The following IQCH variants were observed in gnomAD, a reference collection of about 807,000 sequenced individuals.
The protein encoded by IQCH is IQ domain-containing protein H.
In IQCH, 98 loss-of-function variants were observed where a neutral mutation model predicts 117.0. The observed-to-expected ratio is 0.84, with a 90% CI of 0.71 to 0.99. The LOEUF (loss-of-function observed/expected upper bound fraction) is 0.99. Ranked by LOEUF, IQCH falls within the 50% of genes least tolerant of loss-of-function variation. IQCH has a pLI of 0.00. For missense variants in IQCH, 1,102 were observed against 1,243.8 expected (o/e 0.89, Z 1.72); for synonymous variants, 412 against 448.2 (o/e 0.92, Z 1.02).
intron 10 of IQCH, among the ~76,000 whole-genome samples, chr15:67,377,572 C>A (rs1334638736): frequency 6.6e-6 from 1 of 152,176 alleles, no homozygotes; most frequent in Non-Finnish European, 1.5e-5. Context: ...TTTAATTTAA[C>A]CCCTGTGCTT....
chr15:67,400,428 G>A (rs1461242804), intron 14 of IQCH, 123 bp downstream of exon 14: 1 of 613,874 alleles, frequency 1.6e-6, no homozygotes, highest in African/African-American at 1.9e-5. Flanking sequence ...TGCCAGCAGT[G>A]CCTTTCTTGG....
At chr15:67,331,646 A>G (rs1018240626) in intron 4 of IQCH, among the ~76,000 whole-genome samples, 1 of 152,196 alleles carries the variant, frequency 6.6e-6, no homozygotes, top group African/African-American at 2.4e-5. Context: ...AAATTAGTGT[A>G]TTTCTCATTC....
Position 67,395,282 on chromosome 15 carries a change from T to A in IQCH, c.1633-9T>A, listed in dbSNP as rs553558518. On this transcript the variant is annotated splice_polypyrimidine_tract_variant and intron_variant, in intron 12 of 20. Transcript: ENST00000335894. This position sits in a 1 kb window ranked among gnomAD's most constrained non-coding sequence, Gnocchi z 4.0. ...ACCTTTTAACAAGAATAATATGATC[T>A]TCCCCCAGAAGCATCATATGTGCCT... The A allele has an allele frequency of 6.2e-7, 1 of 1,606,974 alleles. No individual in the cohort carries two copies. Among genetic ancestry groups the A allele is most frequent in the Non-Finnish European group, 8.5e-7 (1 of 1,175,258 alleles).
Position 67,262,350 on chromosome 15 carries a change from A to C in IQCH, c.175-772A>C, listed in dbSNP as rs956235851. ...CATCTTCCATCAATCTCCACCTTCT[A>C]TACCTCTTATTTTCAGTGTCTCTGC... On this transcript the variant is annotated intron_variant, in intron 2 of 20. Transcript: ENST00000335894. Among the ~76,000 whole-genome samples the C allele has an allele frequency of 1.1e-4, 16 of 152,290 alleles. 2 individuals carry two copies. In the South Asian group the frequency reaches 3.3e-3, roughly 32 times the overall value.
Position 67,408,667 on chromosome 15 carries a change from A to G in IQCH, c.2098-8264A>G, listed in dbSNP as rs72745494. ...GTCTCTCATTTCATTCCACAAACTT[A>G]CTCCTCTCCCCCACTACTTGAATGA... On this transcript the variant is annotated intron_variant, in intron 14 of 20. Transcript: ENST00000335894. This position sits in a 1 kb window ranked among gnomAD's most constrained non-coding sequence, Gnocchi z 4.2. Among the ~76,000 whole-genome samples the G allele has an allele frequency of 7.5e-4, 114 of 151,386 alleles. No individual in the cohort carries two copies. The highest frequency in any genetic ancestry group is 1.5e-3 in the Admixed American group (23 of 15,152).
rs1203623467 is a variant in IQCH, at chr15:67,381,972, AC to A, written c.1373-2961del. ...TTGCCAGCCTGGGCAACAGAGTGATACCCTGTCAAAAAAAAAAAAAGAATTA... is the reference window on the plus strand; with the variant it reads ...TTGCCAGCCTGGGCAACAGAGTGATACCTGTCAAAAAAAAAAAAAGAATTA... On this transcript the variant is annotated intron_variant, in intron 10 of 20. Coordinates refer to ENST00000335894, the MANE Select transcript of IQCH (RefSeq NM_001031715.3). This position sits in a 1 kb window ranked among gnomAD's most constrained non-coding sequence, Gnocchi z 5.1. Among the ~76,000 whole-genome samples the A allele has an allele frequency of 1.9e-4, 24 of 125,628 alleles. No homozygotes were observed. The highest frequency in any genetic ancestry group is 2.7e-4 in the Non-Finnish European group (16 of 59,402). 82.4% of individuals were successfully genotyped at this position (125,628 alleles called of 152,430 possible).
rs757752591 is a variant in IQCH at position 67,432,915 on chromosome 15, A to G, written c.2505+11338A>G. On this transcript the variant is annotated intron_variant, in intron 16 of 20. Coordinates refer to ENST00000335894, the MANE Select transcript of IQCH (RefSeq NM_001031715.3). The surrounding 1 kb of genome is among the most constrained non-coding windows in gnomAD (Gnocchi z 5.0). ...TACTCTCATTTGCAAGATCTCCCCT[A>G]TCTCTGTTTTCAAGATATACAAGGT... Among the ~76,000 whole-genome samples, 32 of 152,156 alleles carry G rather than the reference A, an allele frequency of 2.1e-4. No homozygotes were observed. The highest frequency in any genetic ancestry group is 3.4e-4 in the Non-Finnish European group (23 of 68,018).
chr15:67,315,465 A>G lies in IQCH; in HGVS notation c.388-21510A>G, dbSNP rs567897113. On this transcript the variant is annotated intron_variant, in intron 4 of 20. Transcript: ENST00000335894. The stretch of plus-strand genomic sequence containing the variant: ...TTTATAATAAATATTAATAGCTACT[A>G]TCTGCTTGGGGTTGACTATGTGCAT... 1.1e-4 allele frequency among the ~76,000 whole-genome samples: 17 copies of G among 152,242 alleles called. No individual in the cohort carries two copies. In the East Asian group the frequency reaches 1.9e-3, roughly 17 times the overall value.
chr15:67,317,362 C>G (rs191934319), intron 4 of IQCH, among the ~76,000 whole-genome samples: 1 of 151,984 alleles, frequency 6.6e-6, no homozygotes, highest in African/African-American at 2.4e-5. Context: ...ACCACCATGC[C>G]CAGCTAATTT....
At position 67,411,962 on chromosome 15, in the gene IQCH, C is replaced by G. The variant is rs2081462033; in HGVS notation, c.2098-4969C>G. On this transcript the variant is annotated intron_variant, in intron 14 of 20. Transcript: ENST00000335894. This position sits in a 1 kb window ranked among gnomAD's most constrained non-coding sequence, Gnocchi z 4.4. ...GGAGCCCCATGCTTTCTGCAGATGT[C>G]TTGGAACCTTCCAACGTCCTGACGA... Among the ~76,000 whole-genome samples the G allele has an allele frequency of 6.6e-6, 1 of 152,162 alleles. No homozygotes were observed. The highest frequency in any genetic ancestry group is 1.5e-5 in the Non-Finnish European group (1 of 68,030).
At chr15:67,380,911 A>G (rs1189727758) in intron 10 of IQCH, among the ~76,000 whole-genome samples, 7 of 152,180 alleles carry the variant, frequency 4.6e-5, no homozygotes, top group Non-Finnish European at 1.0e-4. Context: ...AACAACTACT[A>G]CTTGGTAATC....
Position 67,494,480 on chromosome 15 carries a change from A to G in IQCH, c.2970+114A>G. On this transcript the variant is annotated intron_variant, in intron 20 of 20. Transcript: ENST00000335894. This position sits in a 1 kb window ranked among gnomAD's most constrained non-coding sequence, Gnocchi z 5.5. ...ATCTTTTTTTTATTGTAAGCAGTAC[A>G]TATTTTACAGTGTGCAGGGTCAATA... 1.5e-6 allele frequency: 1 copy of G among 674,056 alleles called. No individual in the cohort carries two copies. The highest frequency in any genetic ancestry group is 2.0e-5 in the South Asian group (1 of 48,898). The allele number at this position is 674,056 out of a possible 1,614,324, so 41.8% of individuals were successfully genotyped here.
Position 67,421,498 on chromosome 15 carries a change from C to G in IQCH, c.2426C>G (p.Ala809Gly), listed in dbSNP as rs746651653. The G allele has an allele frequency of 3.3e-5, 54 of 1,614,042 alleles. No homozygotes were observed. Among genetic ancestry groups the G allele is most frequent in the African/African-American group, 4.0e-5 (3 of 74,914 alleles). ...TATTTGTGCCTCCAAATTGGAAAAG[C>G]CTGCAGAATGAGAGATGTGGTTGGT... is the stretch of plus-strand genomic sequence containing the variant. ...LTYLCLQIGKACRMRDVVGYF... is the reference protein window; with the variant it reads ...LTYLCLQIGKGCRMRDVVGYF... Residue 809 changes from alanine (A) to glycine (G), a missense_variant, in exon 16 of 21, where the codon GCC (alanine) becomes GGC (glycine). Around this residue, in one of 2 missense-constraint regions of IQCH, gnomAD observed 650 missense variants for 794.3 expected, o/e 0.82. Transcript: ENST00000335894.
At chr15:67,307,132 AT>A (rs1319699853) in intron 4 of IQCH, 2 of 1,107,206 alleles carry the variant, frequency 1.8e-6, no homozygotes, top group African/African-American at 3.3e-5. Context: ...TCATAAAAAC[AT>A]TTTTCTTTTT....
In IQCH at chr15:67,292,290, G is replaced by T. The variant is rs542778563; in HGVS notation, c.387+12778G>T. Among the ~76,000 whole-genome samples, 24 of 152,200 alleles carry T rather than the reference G, an allele frequency of 1.6e-4. No individual in the cohort carries two copies. The East Asian group carries it at 4.6e-3, about 29-fold the overall frequency. On this transcript the variant is annotated intron_variant, in intron 4 of 20. Coordinates refer to ENST00000335894, the MANE Select transcript of IQCH (RefSeq NM_001031715.3). ...TTTTGAGACAGGGTATTGCTCTGTT[G>T]CCCTGGCTAGAATGCAGTATACAAT...
rs987941002 is a variant in IQCH at position 67,356,044 on chromosome 15, G to A, written c.638-1301G>A. Among the ~76,000 whole-genome samples the A allele has an allele frequency of 1.3e-5, 2 of 152,102 alleles. No individual in the cohort carries two copies. Among genetic ancestry groups the A allele is most frequent in the African/African-American group, 4.8e-5 (2 of 41,412 alleles). The stretch of plus-strand genomic sequence containing the variant: ...AAATCTCACTTTTCTGCAAGAACCT[G>A]AAAGTTAAACAAAAATTGTACTGAG... On this transcript the variant is annotated intron_variant, in intron 6 of 20. Coordinates refer to ENST00000335894, the MANE Select transcript of IQCH (RefSeq NM_001031715.3). The surrounding 1 kb of genome is among the most constrained non-coding windows in gnomAD (Gnocchi z 5.3).
chr15:67,421,101 G>T, intron 15 of IQCH, 190 bp from the exon 16 acceptor site: 1 of 599,392 alleles, frequency 1.7e-6, no homozygotes. Context: ...GATAGATACA[G>T]TATCTCCAAG....
intron 4 of IQCH, among the ~76,000 whole-genome samples, chr15:67,319,039 A>G (rs1283932743): frequency 6.6e-6 from 1 of 152,186 alleles, no homozygotes; most frequent in African/African-American, 2.4e-5. Flanking sequence ...CATCCTGGCG[A>G]ACATGGTGAA....
intron 13 of IQCH, among the ~76,000 whole-genome samples, chr15:67,399,142 G>C (rs1016117038): frequency 1.3e-5 from 2 of 152,140 alleles, no homozygotes; most frequent in African/African-American, 2.4e-5. Flanking sequence ...ACAGTAAAGA[G>C]GGAATGAGCA....
Sources: allele counts gnomAD v4.1 joint callset (sites outside exome capture counted in the v4.1 genomes callset), GRCh38; gene constraint gnomAD v4.1.1; regional missense constraint gnomAD v4.1.1; non-coding constraint Gnocchi (gnomAD v3.1); transcripts MANE v1.5; gene names NCBI Gene and HGNC (gene_info 2026-07-23, HGNC 2026-07-21).